FOXP2: variants seen among roughly 807,000 people sequenced by gnomAD.
The protein encoded by FOXP2 is forkhead box protein P2.
In FOXP2, 12 loss-of-function variants were observed where a neutral mutation model predicts 115.8. That is an observed-to-expected ratio of 0.10 (90% CI 0.07 to 0.17). FOXP2 has a LOEUF of 0.17. FOXP2 is among the 10% of genes least tolerant of loss of function. FOXP2 has a pLI of 1.00. For synonymous variants in FOXP2, 328 were observed against 297.7 expected (o/e 1.10, Z -1.05); for missense variants, 629 against 843.5 (o/e 0.75, Z 3.15).
intron 2 of FOXP2, among the ~76,000 whole-genome samples, chr7:114,436,116 A>G (rs1275130919): frequency 6.6e-6 from 1 of 152,212 alleles, no homozygotes; most frequent in Non-Finnish European, 1.5e-5. Context: ...GTTCAATACT[A>G]ATTATTGGCT....
At chr7:114,581,075 G>GCACACACACACACACA (rs3028257) in intron 3 of FOXP2, among the ~76,000 whole-genome samples, 7 of 144,766 alleles carry the variant, frequency 4.8e-5, no homozygotes, top group African/African-American at 7.7e-5. Flanking sequence ...ATAAACACAT[G>GCACACACACACACACA]CACACACACA....
chr7:114,261,351 T>A (rs1207555804), intron 1 of FOXP2, among the ~76,000 whole-genome samples: 1 of 152,230 alleles, frequency 6.6e-6, no homozygotes, highest in Non-Finnish European at 1.5e-5. Context: ...AGGTTTGTAC[T>A]TCAATATTGT....
intron 1 of FOXP2, among the ~76,000 whole-genome samples, chr7:114,127,586 G>T (rs2129144689): frequency 6.6e-6 from 1 of 152,254 alleles, no homozygotes; most frequent in Admixed American, 6.5e-5. Context: ...TATACAGAAT[G>T]TAAAGAGACG....
At chr7:114,656,309 C>T in intron 10 of FOXP2, 1 of 198,032 alleles carries the variant, frequency 5.0e-6, no homozygotes, top group Middle Eastern at 2.0e-3. Context: ...AACCATCCAG[C>T]TGAGTTTTTT....
intron 2 of FOXP2, among the ~76,000 whole-genome samples, chr7:114,525,994 C>T (rs964054680): frequency 2.0e-5 from 3 of 151,836 alleles, no homozygotes; most frequent in African/African-American, 7.3e-5. Context: ...CACCTCTAAT[C>T]ACAGCTACTT....
intron 6 of FOXP2, among the ~76,000 whole-genome samples, chr7:114,636,078 C>T (rs988353402): frequency 6.6e-6 from 1 of 151,964 alleles, no homozygotes; most frequent in African/African-American, 2.4e-5. Context: ...TAAAGATAGG[C>T]ATTGTATCTG....
At chr7:114,312,303 AG>A (rs968509250) in intron 2 of FOXP2, among the ~76,000 whole-genome samples, 1 of 152,172 alleles carries the variant, frequency 6.6e-6, no homozygotes, top group African/African-American at 2.4e-5. Context: ...TAGAAGAGTG[AG>A]GAGAAATCAG....
intron 16 of FOXP2, among the ~76,000 whole-genome samples, chr7:114,686,957 A>C (rs965446429): frequency 6.6e-6 from 1 of 152,148 alleles, no homozygotes; most frequent in Admixed American, 6.6e-5. Context: ...TTGAATTTGC[A>C]TGCACTATAG....
At chr7:114,297,338 G>A (rs958686390) in intron 2 of FOXP2, 6 of 634,442 alleles carry the variant, frequency 9.5e-6, no homozygotes, top group African/African-American at 1.9e-5. Flanking sequence ...TCAGGCGCCC[G>A]TGGTGGCGGC....
intron 3 of FOXP2, among the ~76,000 whole-genome samples, chr7:114,595,159 C>T (rs1802630640): frequency 6.6e-6 from 1 of 151,962 alleles, no homozygotes; most frequent in African/African-American, 2.4e-5. Flanking sequence ...TTGGTCATTC[C>T]TGCCTAGTAA....
At chr7:114,258,912 T>C (rs1424561952) in intron 1 of FOXP2, among the ~76,000 whole-genome samples, 1 of 151,662 alleles carries the variant, frequency 6.6e-6, no homozygotes, top group East Asian at 1.9e-4. Context: ...CTATTAATAG[T>C]TTAGCATCTC....
chr7:114,210,201 A>G (rs1037214912), intron 1 of FOXP2, among the ~76,000 whole-genome samples: 31 of 152,166 alleles, frequency 2.0e-4, no homozygotes, highest in African/African-American at 6.8e-4. Flanking sequence ...CATTTGGAGG[A>G]GAACAGGCAC....
chr7:114,509,313 G>T (rs552506213), intron 2 of FOXP2, among the ~76,000 whole-genome samples: 1 of 151,738 alleles, frequency 6.6e-6, no homozygotes, highest in South Asian at 2.1e-4. Context: ...AGACAGTTTC[G>T]CTCTTGTTGC....
chr7:114,617,865 T>A (rs1198477378), intron 3 of FOXP2, among the ~76,000 whole-genome samples: 1 of 152,192 alleles, frequency 6.6e-6, no homozygotes, highest in Non-Finnish European at 1.5e-5. Context: ...GCCATGGCCC[T>A]TTCCTGATCT....
At chr7:114,182,076 T>C (rs183711098) in intron 1 of FOXP2, among the ~76,000 whole-genome samples, 59 of 152,232 alleles carry the variant, frequency 3.9e-4, no homozygotes, top group African/African-American at 1.4e-3. Flanking sequence ...TCAACCTGAT[T>C]GTTAACTTCT....
rs746621983 is a variant in FOXP2 at position 114,691,929 on chromosome 7, CA to C, written c.*2016del. The C allele has an allele frequency of 0.097, 19,554 of 202,114 alleles. No homozygotes were observed. The highest frequency in any genetic ancestry group is 0.11 in the South Asian group (3,401 of 29,874). The allele number at this position is 202,114 out of a possible 1,614,324, so 12.5% of individuals were successfully genotyped here. ...GGCTTTCTGAAAGCTTCTACCTCTG[CA>C]AAAAAAAAAAAAGAAAAAAAAAAAA... On this transcript the variant is annotated 3_prime_UTR_variant, in exon 17 of 17. Coordinates refer to ENST00000350908, the MANE Select transcript of FOXP2 (RefSeq NM_014491.4).
intron 2 of FOXP2, among the ~76,000 whole-genome samples, chr7:114,298,848 A>T (rs184713039): frequency 2.4e-4 from 36 of 152,318 alleles, no homozygotes; most frequent in Non-Finnish European, 8.8e-5. Flanking sequence ...AGTCGAAATC[A>T]GTTAACTTCT....
At chr7:114,527,531 G>A (rs1798937599) in intron 2 of FOXP2, among the ~76,000 whole-genome samples, 1 of 151,844 alleles carries the variant, frequency 6.6e-6, no homozygotes, top group Non-Finnish European at 1.5e-5. Context: ...AACTCCCTTT[G>A]CCTTAACTAT....
At chr7:114,142,031 TG>T (rs145930407) in intron 1 of FOXP2, among the ~76,000 whole-genome samples, 16,812 of 152,056 alleles carry the variant, frequency 0.11, 1,348 homozygotes, top group East Asian at 0.39. Flanking sequence ...AGAATTAGAT[TG>T]TTTTTTTTTT....
Sources: gnomAD v4.1 joint callset for allele counts (sites outside exome capture counted in the v4.1 genomes callset) on GRCh38, gnomAD v4.1.1 for gene constraint, MANE v1.5 for transcripts, NCBI Gene and HGNC (gene_info 2026-07-23, HGNC 2026-07-21) for gene names.